Variants in MYT1L observed in about 807,000 individuals in gnomAD.
The protein encoded by MYT1L is myelin transcription factor 1 like, also known as myelin transcription factor 1-like protein.
MYT1L carries 12 observed loss-of-function variants against 126.7 expected under a neutral mutation model. The observed-to-expected ratio is 0.09, with a 90% CI of 0.06 to 0.15. The LOEUF (loss-of-function observed/expected upper bound fraction) is 0.15. Among genes scored for constraint, MYT1L ranks in the 10% least tolerant of loss-of-function variants. The probability of loss-of-function intolerance (pLI) is 1.00; values close to 1 mark genes in which losing one functional copy is unlikely to be tolerated. For synonymous variants in MYT1L, 541 were observed against 604.2 expected (o/e 0.90, Z 1.53); for missense variants, 979 against 1,585.2 (o/e 0.62, Z 6.49).
chr2:2,161,247 T>C (rs1173545874), intron 3 of MYT1L, among the ~76,000 whole-genome samples: 2 of 152,198 alleles, frequency 1.3e-5, no homozygotes, highest in Non-Finnish European at 2.9e-5. Context: ...CCAAACTGTA[T>C]TAATATATTT....
chr2:2,165,671 C>T (rs1296534667), intron 3 of MYT1L, among the ~76,000 whole-genome samples: 2 of 151,906 alleles, frequency 1.3e-5, no homozygotes, highest in African/African-American at 4.8e-5. Context: ...GAATTTCTTC[C>T]ACAATTGCTG....
chr2:1,960,063 T>C, intron 8 of MYT1L, among the ~76,000 whole-genome samples: 1 of 152,222 alleles, frequency 6.6e-6, no homozygotes, highest in African/African-American at 2.4e-5. Context: ...TATTGTAAGA[T>C]GGAGCACACG....
chr2:1,866,987 A>G (rs1275580522), intron 18 of MYT1L, among the ~76,000 whole-genome samples: 7 of 132,362 alleles, frequency 5.3e-5, no homozygotes, highest in Admixed American at 3.9e-4. Flanking sequence ...AGAGAGAGAG[A>G]GAGAGAGTAA....
At chr2:1,981,725 A>T (rs898719030) in intron 5 of MYT1L, among the ~76,000 whole-genome samples, 1 of 152,154 alleles carries the variant, frequency 6.6e-6, no homozygotes, top group African/African-American at 2.4e-5. Flanking sequence ...TTAGAAAAAA[A>T]CAAGTTAACG....
intron 1 of MYT1L, among the ~76,000 whole-genome samples, chr2:2,308,940 C>T (rs1370638574): frequency 1.3e-5 from 2 of 151,532 alleles, no homozygotes; most frequent in African/African-American, 4.8e-5. Context: ...TACTTCAGTA[C>T]ATTCTATCCT....
In MYT1L at chr2:1,867,161, A is replaced by G. The variant is rs1027837513; in HGVS notation, c.2712-15458T>C. Among the ~76,000 whole-genome samples, 3 of 151,954 alleles carry G rather than the reference A, an allele frequency of 2.0e-5. No homozygotes were observed. The South Asian group carries it at 6.2e-4, about 32-fold the overall frequency. ...GCACAGAGTGCAGCAGTGCCAGGGA[A>G]GCAGCTTCAGCCCCAGGAAGTCACT... On this transcript the variant is annotated intron_variant, in intron 18 of 24. Coordinates refer to ENST00000647738, the MANE Select transcript of MYT1L (RefSeq NM_001303052.2).
intron 18 of MYT1L, among the ~76,000 whole-genome samples, chr2:1,864,332 C>T (rs937939409): frequency 2.6e-5 from 4 of 152,198 alleles, no homozygotes; most frequent in Non-Finnish European, 5.9e-5. Flanking sequence ...GCACCCTCCA[C>T]GGAGTCTCCA....
At chr2:2,001,406 C>A (rs1224335437) in intron 4 of MYT1L, among the ~76,000 whole-genome samples, 2 of 152,062 alleles carry the variant, frequency 1.3e-5, no homozygotes, top group East Asian at 1.9e-4. Flanking sequence ...TTATTTTGGT[C>A]AATTTTTGTC....
chr2:2,110,829 TG>T (rs912781331), intron 3 of MYT1L, among the ~76,000 whole-genome samples: 1 of 152,076 alleles, frequency 6.6e-6, no homozygotes, highest in Non-Finnish European at 1.5e-5. Flanking sequence ...TAGACGCTTA[TG>T]GGGGGCAGTA....
At chr2:1,860,105 G>A (rs1010488376) in intron 18 of MYT1L, among the ~76,000 whole-genome samples, 3 of 152,204 alleles carry the variant, frequency 2.0e-5, no homozygotes, top group South Asian at 2.1e-4. Context: ...CTGCAGGGCC[G>A]AAAGGCGCCC....
At position 1,889,532 on chromosome 2, in the gene MYT1L, G is replaced by C. The variant is rs969420608; in HGVS notation, c.2284-55C>G. Reference sequence around the variant, plus strand: ...TTGGCCCGGCATCTTGTGACACCACGAGTCCTTCCTCCCAGATTACAGTCC... The same window carrying C: ...TTGGCCCGGCATCTTGTGACACCACCAGTCCTTCCTCCCAGATTACAGTCC... On this transcript the variant is annotated intron_variant, in intron 15 of 24. Transcript: ENST00000647738. This position sits in a 1 kb window ranked among gnomAD's most constrained non-coding sequence, Gnocchi z 4.1. The C allele has an allele frequency of 1.5e-5, 21 of 1,375,210 alleles. No homozygotes were observed. The highest frequency in any genetic ancestry group is 2.1e-5 in the Non-Finnish European group (21 of 1,000,638). 85.2% of individuals were successfully genotyped at this position (1,375,210 alleles called of 1,614,324 possible). A position where few individuals can be genotyped will look rare whatever the true frequency, so the allele number is the denominator to read the frequency against.
At chr2:2,324,624 G>A (rs1036787021) in intron 1 of MYT1L, 2 of 152,702 alleles carry the variant, frequency 1.3e-5, no homozygotes, top group African/African-American at 4.8e-5. Context: ...TCTGCCGGGC[G>A]GGTGAAGTGC....
intron 8 of MYT1L, among the ~76,000 whole-genome samples, chr2:1,958,485 T>G (rs2058695051): frequency 6.6e-6 from 1 of 152,228 alleles, no homozygotes; most frequent in Non-Finnish European, 1.5e-5. Flanking sequence ...GTTAGGTGAC[T>G]CATTTGTCAT....
At chr2:2,221,924 G>A (rs566363102) in intron 2 of MYT1L, among the ~76,000 whole-genome samples, 16 of 152,132 alleles carry the variant, frequency 1.1e-4, no homozygotes, top group Non-Finnish European at 1.8e-4. Context: ...TGCTGAAGCC[G>A]CCTTCCTGTT....
intron 2 of MYT1L, among the ~76,000 whole-genome samples, chr2:2,180,649 T>TACCTGTGTATGCCTGTGTGTGC (rs1438801233): frequency 5.7e-4 from 86 of 151,944 alleles, no homozygotes; most frequent in Admixed American, 2.4e-3. Context: ...CCTGTATCTG[T>TACCTGTGTATGCCTGTGTGTGC]ACCTGTGTAT....
At chr2:1,919,815 G>A (rs1184430451) in intron 10 of MYT1L, among the ~76,000 whole-genome samples, 2 of 152,040 alleles carry the variant, frequency 1.3e-5, no homozygotes, top group African/African-American at 4.8e-5. Flanking sequence ...TGCAAGCTCC[G>A]CCTCCCAGGT....
chr2:1,879,880 A>G (rs2047328482), intron 18 of MYT1L, among the ~76,000 whole-genome samples: 1 of 152,360 alleles, frequency 6.6e-6, no homozygotes, highest in South Asian at 2.1e-4. Context: ...AGTATGCAAT[A>G]CAATTCAGTA....
chr2:1,973,978 C>A (rs944118195), intron 8 of MYT1L, among the ~76,000 whole-genome samples: 6 of 152,224 alleles, frequency 3.9e-5, no homozygotes, highest in Non-Finnish European at 5.9e-5. Flanking sequence ...TCCTCAATGT[C>A]AAGGTTGGTG....
At chr2:2,305,908 T>TG (rs912480251) in intron 1 of MYT1L, 1 of 152,138 alleles carries the variant, frequency 6.6e-6, no homozygotes, top group African/African-American at 2.4e-5. Context: ...GAGAGTTGGG[T>TG]GGGGACACAG....
Sources: gnomAD v4.1 joint callset for allele counts (sites outside exome capture counted in the v4.1 genomes callset) on GRCh38, gnomAD v4.1.1 for gene constraint, Gnocchi (gnomAD v3.1) non-coding constraint, MANE v1.5 for transcripts, NCBI Gene and HGNC (gene_info 2026-07-23, HGNC 2026-07-21) for gene names.